Variants in COL26A1 observed in about 807,000 individuals in gnomAD.
COL26A1 encodes collagen alpha-1(XXVI) chain.
COL26A1 carries 41 observed loss-of-function variants against 59.3 expected under a neutral mutation model. The observed-to-expected ratio is 0.69, with a 90% CI of 0.54 to 0.90. The LOEUF is 0.90. COL26A1 is among the 40% of genes least tolerant of loss of function. The pLI, the probability that COL26A1 is intolerant of heterozygous loss-of-function variation, is 0.00. For missense variants in COL26A1, 612 were observed against 602.3 expected (o/e 1.02, Z -0.17); for synonymous variants, 266 against 256.0 (o/e 1.04, Z -0.37).
chr7:101,401,507 G>C (rs1584375021), intron 1 of COL26A1, among the ~76,000 whole-genome samples: 2 of 149,542 alleles, frequency 1.3e-5, no homozygotes, highest in South Asian at 4.3e-4. Context: ...GAAGGAAGAG[G>C]AGGGGGAGCA....
chr7:101,520,964 T>A (rs1330743266), intron 3 of COL26A1, among the ~76,000 whole-genome samples: 1 of 152,188 alleles, frequency 6.6e-6, no homozygotes, highest in East Asian at 1.9e-4. Flanking sequence ...TATTAGCCTG[T>A]CTTCACACTG....
intron 1 of COL26A1, among the ~76,000 whole-genome samples, chr7:101,397,150 A>G (rs750034792): frequency 2.6e-5 from 4 of 152,128 alleles, no homozygotes; most frequent in Non-Finnish European, 2.9e-5. Flanking sequence ...CCACCTTCTA[A>G]GGGCTCCTGT....
At chr7:101,552,442 C>T (rs539759815) in intron 10 of COL26A1, among the ~76,000 whole-genome samples, 15 of 152,048 alleles carry the variant, frequency 9.9e-5, no homozygotes, top group Non-Finnish European at 1.5e-4. Flanking sequence ...AGACCCACCC[C>T]CATCTCTATA....
intron 3 of COL26A1, among the ~76,000 whole-genome samples, chr7:101,530,468 T>G (rs1262179512): frequency 6.8e-6 from 1 of 147,922 alleles, no homozygotes; most frequent in Non-Finnish European, 1.5e-5. Flanking sequence ...CCCGGGAGGC[T>G]GAGGCAGGAG....
At chr7:101,474,135 C>T (rs1404240256) in intron 3 of COL26A1, among the ~76,000 whole-genome samples, 1 of 152,112 alleles carries the variant, frequency 6.6e-6, no homozygotes, top group Non-Finnish European at 1.5e-5. Flanking sequence ...AGCAGGCAGG[C>T]AACACTGTGT....
At chr7:101,432,107 C>G (rs1332339206) in intron 2 of COL26A1, among the ~76,000 whole-genome samples, 7 of 151,506 alleles carry the variant, frequency 4.6e-5, no homozygotes, top group Non-Finnish European at 1.5e-5. Flanking sequence ...ATTACAGATG[C>G]CCGCCACCAT....
chr7:101,418,162 G>A (rs1792423102), intron 1 of COL26A1, among the ~76,000 whole-genome samples: 1 of 152,074 alleles, frequency 6.6e-6, no homozygotes, highest in Non-Finnish European at 1.5e-5. Context: ...ACCGCACTCA[G>A]CCTCCAATGC....
intron 3 of COL26A1, among the ~76,000 whole-genome samples, chr7:101,493,797 G>A (rs1794521652): frequency 6.6e-6 from 1 of 150,712 alleles, no homozygotes; most frequent in Non-Finnish European, 1.5e-5. Context: ...GCCGGGCGTG[G>A]TGGCGGGCGT....
chr7:101,429,109 A>G (rs1792717069), intron 2 of COL26A1, among the ~76,000 whole-genome samples: 1 of 151,736 alleles, frequency 6.6e-6, no homozygotes, highest in Non-Finnish European at 1.5e-5. Context: ...TTTTTAGTAG[A>G]GACAGGGTTT....
intron 3 of COL26A1, among the ~76,000 whole-genome samples, chr7:101,492,514 C>T (rs1164430288): frequency 1.3e-4 from 20 of 151,440 alleles, no homozygotes; most frequent in South Asian, 1.1e-3. Context: ...CTGGCCAACA[C>T]GGAGAAACCC....
At position 101,513,992 on chromosome 7, in the gene COL26A1, A is replaced by G. The variant is rs532642126; in HGVS notation, c.386-19090A>G. ...GTGGGGAAACAGAAATGGCTCAAAA[A>G]CCTGTGAAAAGATGTCCAGTCTCAT... On this transcript the variant is annotated intron_variant, in intron 3 of 12. Transcript: ENST00000313669. 2.6e-3 allele frequency among the ~76,000 whole-genome samples: 394 copies of G among 152,204 alleles called. 3 individuals carry two copies. The highest frequency in any genetic ancestry group is 0.01 in the Middle Eastern group (3 of 294).
At chr7:101,475,807 TCTTTCTTTCTTTCTCTC>T (rs1794022362) in intron 3 of COL26A1, among the ~76,000 whole-genome samples, 1 of 40,518 alleles carries the variant, frequency 2.5e-5, no homozygotes, top group Non-Finnish European at 5.5e-5. Context: ...CTTCCTTCCT[TCTTTCTTTCTTTCTCTC>T]TCTTTCTCTC....
rs115967083 is a variant in COL26A1 at position 101,406,550 on chromosome 7, T to C, written c.159-13427T>C. ...GGGGCTATGGCCATGAGCACCTTCA[T>C]GGACTGTCCATTTACCCCCACTGGG... On this transcript the variant is annotated intron_variant, in intron 1 of 12. Transcript: ENST00000313669. Among the ~76,000 whole-genome samples, 922 of 152,338 alleles carry C rather than the reference T, an allele frequency of 6.1e-3. 11 individuals are homozygous for C. Among genetic ancestry groups the C allele is most frequent in the African/African-American group, 0.021 (877 of 41,584 alleles).
chr7:101,452,513 A>G (rs1793367736), intron 3 of COL26A1, among the ~76,000 whole-genome samples: 4 of 152,166 alleles, frequency 2.6e-5, no homozygotes, highest in Admixed American at 1.3e-4. Flanking sequence ...TGATGTGGCT[A>G]TGTTCTGAGA....
intron 3 of COL26A1, among the ~76,000 whole-genome samples, chr7:101,489,601 T>TTTC (rs1794340620): frequency 1.0e-4 from 11 of 105,114 alleles, no homozygotes; most frequent in East Asian, 3.6e-4. Flanking sequence ...TTTTCTTTCT[T>TTTC]TTTCTTTCTT....
At chr7:101,543,684 G>A (rs1314313120) in intron 5 of COL26A1, among the ~76,000 whole-genome samples, 2 of 152,218 alleles carry the variant, frequency 1.3e-5, no homozygotes, top group African/African-American at 2.4e-5. Context: ...GGGACCTGGA[G>A]CTAAGCAACT....
chr7:101,528,574 G>T (rs1320817438), intron 3 of COL26A1, among the ~76,000 whole-genome samples: 1 of 151,114 alleles, frequency 6.6e-6, no homozygotes, highest in Non-Finnish European at 1.5e-5. Flanking sequence ...CTCTGACAGG[G>T]TCTGGCTCTG....
chr7:101,549,261 G>A (rs57977430), intron 9 of COL26A1, 38 bp downstream of exon 9: 195,729 of 1,443,866 alleles, frequency 0.14, 13,886 homozygotes, highest in African/African-American at 0.18. Context: ...TGTGGGAGGC[G>A]GCGGGTGGCG....
At chr7:101,401,927 G>A (rs556130541) in intron 1 of COL26A1, among the ~76,000 whole-genome samples, 48 of 152,200 alleles carry the variant, frequency 3.2e-4, no homozygotes, top group African/African-American at 1.0e-3. Flanking sequence ...TGGGGGTTAC[G>A]TGAACTGCCA....
Sources: gnomAD v4.1 joint callset for allele counts (sites outside exome capture counted in the v4.1 genomes callset) on GRCh38, gnomAD v4.1.1 for gene constraint, MANE v1.5 for transcripts, NCBI Gene and HGNC (gene_info 2026-07-23, HGNC 2026-07-21) for gene names.